Variants in MDH1 observed in about 807,000 individuals in gnomAD.
The protein encoded by MDH1 is malate dehydrogenase, cytoplasmic.
Under a neutral mutation model 38.7 loss-of-function variants are expected in MDH1, and 15 were observed. The ratio of observed to expected loss-of-function variants is 0.39; its 90% CI spans 0.26 to 0.60. The LOEUF is 0.60. Ranked by LOEUF, MDH1 falls within the 20% of genes least tolerant of loss-of-function variation. The pLI, the probability that MDH1 is intolerant of heterozygous loss-of-function variation, is 0.56. For missense variants in MDH1, 368 were observed against 405.2 expected, an observed-to-expected ratio of 0.91 and a Z score of 0.79; for synonymous variants, 144 against 143.6, an observed-to-expected ratio of 1.00 and a Z score of -0.02.
At chr2:63,589,271 AAGT>A (rs1238459284) in intron 1 of MDH1, 46 of 1,551,176 alleles carry the variant, frequency 3.0e-5, no homozygotes, top group Non-Finnish European at 4.4e-6. Context: ...GACTCTGGAG[AAGT>A]AGTTGTCCTG....
chr2:63,593,657 A>G (rs1709245161), intron 1 of MDH1: 2 of 471,574 alleles, frequency 4.2e-6, no homozygotes, highest in South Asian at 3.1e-5. Flanking sequence ...GTGGAAGTAC[A>G]TTTACCCAGC....
At chr2:63,602,910 C>T (rs1709452173) in intron 5 of MDH1, among the ~76,000 whole-genome samples, 1 of 147,042 alleles carries the variant, frequency 6.8e-6, no homozygotes, top group African/African-American at 2.5e-5. Flanking sequence ...CTATGTAAGA[C>T]ATAATACAGT....
chr2:63,600,959 G>A (rs142347991), intron 5 of MDH1, among the ~76,000 whole-genome samples: 2 of 152,318 alleles, frequency 1.3e-5, no homozygotes, highest in African/African-American at 4.8e-5. Context: ...TTCACCTGAG[G>A]CTTTGGTGGA....
chr2:63,605,789 G>A, intron 7 of MDH1, 150 bp from the exon 8 acceptor site: 1 of 685,162 alleles, frequency 1.5e-6, no homozygotes, highest in East Asian at 2.6e-5. Flanking sequence ...AAGTTACCTT[G>A]TCACCAGTAC....
At chr2:63,602,277 C>G (rs1021629786) in intron 5 of MDH1, among the ~76,000 whole-genome samples, 1 of 150,398 alleles carries the variant, frequency 6.6e-6, no homozygotes, top group Non-Finnish European at 1.5e-5. Context: ...GAAGACCAGT[C>G]GAGTCATTGC....
At chr2:63,597,301 C>A (rs977511709) in intron 3 of MDH1, 98 bp from the exon 4 acceptor site, 248 of 1,273,076 alleles carry the variant, frequency 1.9e-4, no homozygotes, top group Non-Finnish European at 2.4e-4. Context: ...TAAACACTTG[C>A]AACAAGTGAA....
At chr2:63,594,363 C>T (rs1359494175) in intron 1 of MDH1, 125 bp from the exon 2 acceptor site, 4 of 804,808 alleles carry the variant, frequency 5.0e-6, no homozygotes, top group Non-Finnish European at 8.9e-6. Flanking sequence ...GAGCCAGATG[C>T]AAAAGGACTT....
chr2:63,595,413 T>C lies in MDH1; in HGVS notation c.103-10T>C. ...CTACACTAACAGATGCTGTCCTTGC[T>C]ATTTGGTAGCCTATAATTCTTGTGC... On this transcript the variant is annotated splice_polypyrimidine_tract_variant and intron_variant, in intron 2 of 8. Coordinates refer to ENST00000233114, the MANE Select transcript of MDH1 (RefSeq NM_005917.4). The C allele has an allele frequency of 6.4e-7, 1 of 1,554,544 alleles. No individual in the cohort carries two copies. The highest frequency in any genetic ancestry group is 2.2e-5 in the East Asian group (1 of 44,566).
chr2:63,605,407 G>C lies in MDH1; in HGVS notation c.789+14G>C. On this transcript the variant is annotated intron_variant, in intron 7 of 8. Transcript: ENST00000233114. ...GGAACCCCAGAGGTAAGGATTTAGT[G>C]ATTTGCACAGGTCACTCTATTTTAT... 1 of 1,531,034 alleles carries C rather than the reference G, an allele frequency of 6.5e-7. No homozygotes were observed. The highest frequency in any genetic ancestry group is 1.4e-5 in the African/African-American group (1 of 73,262). 94.8% of individuals were successfully genotyped at this position (1,531,034 alleles called of 1,614,324 possible).
chr2:63,601,990 C>G (rs1709427640), intron 5 of MDH1, among the ~76,000 whole-genome samples: 1 of 152,214 alleles, frequency 6.6e-6, no homozygotes, highest in Non-Finnish European at 1.5e-5. Context: ...CCACTCTACC[C>G]TATCCCACAG....
At chr2:63,602,347 G>GTTTTTTTTTT (rs144884000) in intron 5 of MDH1, among the ~76,000 whole-genome samples, 3 of 104,004 alleles carry the variant, frequency 2.9e-5, no homozygotes, top group Non-Finnish European at 3.7e-5. Context: ...GTTGGTTGGG[G>GTTTTTTTTTT]TTTTTTTTTT....
intron 4 of MDH1, chr2:63,597,833 T>C (rs1709347104): frequency 8.5e-6 from 2 of 236,358 alleles, no homozygotes; most frequent in East Asian, 8.2e-5. Context: ...CTTAAACATA[T>C]AGAGAAGGCA....
intron 4 of MDH1, chr2:63,598,040 T>C (rs1411820535): frequency 2.0e-5 from 3 of 152,294 alleles, no homozygotes. Context: ...TGAGTCAGTA[T>C]GACTTATAGT....
chr2:63,594,073 A>C (rs773870345), intron 1 of MDH1, among the ~76,000 whole-genome samples: 2 of 152,192 alleles, frequency 1.3e-5, no homozygotes, highest in African/African-American at 2.4e-5. Context: ...GTAAATGGAA[A>C]GTTTTAGCCT....
chr2:63,600,423 C>T (rs912884956), intron 5 of MDH1, among the ~76,000 whole-genome samples: 6 of 152,178 alleles, frequency 3.9e-5, no homozygotes. Context: ...GACTCCAAAC[C>T]CTTATGTATG....
chr2:63,594,941 T>C (rs1015506252), intron 2 of MDH1: 1 of 253,492 alleles, frequency 3.9e-6, no homozygotes, highest in African/African-American at 2.3e-5. Context: ...ACCAAAAGAG[T>C]AAGGAAATCT....
intron 5 of MDH1, among the ~76,000 whole-genome samples, chr2:63,603,427 T>A (rs1323033621): frequency 6.6e-6 from 1 of 152,144 alleles, no homozygotes; most frequent in Non-Finnish European, 1.5e-5. Flanking sequence ...ACTAGTTTCT[T>A]CTCCCATTCT....
chr2:63,597,574 G>A lies in MDH1; in HGVS notation c.375G>A (p.Lys125=), dbSNP rs1220589654. ...ALDKYAKKSV[K]VIVVGNPANT... Reference sequence around the variant, plus strand: ...ATAAATACGCCAAGAAGTCAGTTAAGGTGACCAATGCTGTATTTTATGGGA... The same window carrying A: ...ATAAATACGCCAAGAAGTCAGTTAAAGTGACCAATGCTGTATTTTATGGGA... Residue 125 remains lysine, a splice_region_variant and synonymous_variant, in exon 4 of 9, where the codon AAG becomes AAA. Coordinates refer to ENST00000233114, the MANE Select transcript of MDH1 (RefSeq NM_005917.4). 7.2e-7 allele frequency: 1 copy of A among 1,397,736 alleles called. No homozygotes were observed. The highest frequency in any genetic ancestry group is 1.5e-5 in the African/African-American group (1 of 67,728). 86.6% of individuals were successfully genotyped at this position (1,397,736 alleles called of 1,614,324 possible).
rs1709371894 is a variant in MDH1, at chr2:63,599,033, A to G, written c.376-137A>G. The G allele has an allele frequency of 8.0e-6, 5 of 627,276 alleles. No individual in the cohort carries two copies. In the Admixed American group the frequency reaches 1.6e-4, roughly 20 times the overall value. The allele number at this position is 627,276 out of a possible 1,614,324, so 38.9% of individuals were successfully genotyped here. A position where few individuals can be genotyped will look rare whatever the true frequency, so the allele number is the denominator to read the frequency against. On this transcript the variant is annotated intron_variant, in intron 4 of 8. Transcript: ENST00000233114. ...TTTATAACTTAAAATGCATTTTCCT[A>G]TGCTATATTGTATTTGGTGTTTCCC...
Sources: allele counts gnomAD v4.1 joint callset (sites outside exome capture counted in the v4.1 genomes callset), GRCh38; gene constraint gnomAD v4.1.1; transcripts MANE v1.5; gene names NCBI Gene and HGNC (gene_info 2026-07-23, HGNC 2026-07-21).